Variants in CTNNA3 observed in about 807,000 individuals in gnomAD.
The protein encoded by CTNNA3 is catenin alpha-3.
Under a neutral mutation model 95.7 loss-of-function variants are expected in CTNNA3, and 76 were observed. The observed-to-expected ratio is 0.79, with a 90% confidence interval of 0.66 to 0.96. The LOEUF is 0.96. Ranked by LOEUF, CTNNA3 falls within the 40% of genes least tolerant of loss-of-function variation. The pLI is 0.00. For missense variants in CTNNA3, 1,191 were observed against 1,089.8 expected (o/e 1.09, Z -1.31); for synonymous variants, 431 against 374.4 (o/e 1.15, Z -1.74).
intron 7 of CTNNA3, among the ~76,000 whole-genome samples, chr10:67,053,619 A>T (rs1420534302): frequency 6.6e-6 from 1 of 152,178 alleles, no homozygotes; most frequent in African/African-American, 2.4e-5. Context: ...CTCTTTGAGG[A>T]TCCTTTTCTA....
rs140168256 is a variant in CTNNA3, at chr10:66,032,804, G to A, written c.2159+36504C>T. Among the ~76,000 whole-genome samples, 6 of 152,088 alleles carry A rather than the reference G, an allele frequency of 3.9e-5. No homozygotes were observed. In the East Asian group the frequency reaches 7.7e-4, roughly 20 times the overall value. On this transcript the variant is annotated intron_variant, in intron 15 of 17. Coordinates refer to ENST00000433211, the MANE Select transcript of CTNNA3 (RefSeq NM_013266.4). ...TTAATAATACATTAATTTATATACC[G>A]TTTTATAGTTGATAAGGCATATTCA...
chr10:66,553,718 A>G (rs1348001432), intron 10 of CTNNA3, among the ~76,000 whole-genome samples: 1 of 151,174 alleles, frequency 6.6e-6, no homozygotes, highest in Non-Finnish European at 1.5e-5. Flanking sequence ...TAGTAGAGAC[A>G]GGGTTTCACC....
At chr10:67,467,035 G>A (rs1322324997) in intron 5 of CTNNA3, among the ~76,000 whole-genome samples, 3 of 152,112 alleles carry the variant, frequency 2.0e-5, no homozygotes, top group Admixed American at 6.6e-5. Context: ...TGGCTAGGGA[G>A]GCTGAGGTGG....
At chr10:66,160,867 T>C (rs1181137713) in intron 13 of CTNNA3, among the ~76,000 whole-genome samples, 2 of 152,170 alleles carry the variant, frequency 1.3e-5, no homozygotes, top group African/African-American at 2.4e-5. Context: ...GCTCCAATGT[T>C]AGGTGCATAT....
At chr10:66,684,552 G>T (rs1281919721) in intron 9 of CTNNA3, among the ~76,000 whole-genome samples, 1 of 152,044 alleles carries the variant, frequency 6.6e-6, no homozygotes, top group African/African-American at 2.4e-5. Flanking sequence ...TTTTTCAGCA[G>T]TCTTTTTCTT....
chr10:65,971,127 C>T (rs1390338113), intron 16 of CTNNA3, among the ~76,000 whole-genome samples: 1 of 151,442 alleles, frequency 6.6e-6, no homozygotes, highest in African/African-American at 2.4e-5. Flanking sequence ...AAATAATAGA[C>T]ACAACATATA....
chr10:67,718,786 A>G (rs1336577599), intron 1 of CTNNA3, among the ~76,000 whole-genome samples: 1 of 152,136 alleles, frequency 6.6e-6, no homozygotes, highest in Non-Finnish European at 1.5e-5. Flanking sequence ...TATCTCTGCC[A>G]GGTTTAGGTA....
intron 10 of CTNNA3, among the ~76,000 whole-genome samples, chr10:66,543,919 A>G (rs1445573736): frequency 4.0e-4 from 8 of 19,788 alleles, no homozygotes; most frequent in African/African-American, 1.0e-3. Flanking sequence ...GTGTATATAT[A>G]TATATATATA....
intron 1 of CTNNA3, among the ~76,000 whole-genome samples, chr10:67,677,338 A>G (rs774405763): frequency 1.3e-5 from 2 of 152,166 alleles, no homozygotes; most frequent in Non-Finnish European, 2.9e-5. Context: ...GCCCTATGCA[A>G]TATTTGGGAC....
At chr10:67,320,309 A>G (rs1841256098) in intron 5 of CTNNA3, among the ~76,000 whole-genome samples, 1 of 152,186 alleles carries the variant, frequency 6.6e-6, no homozygotes, top group African/African-American at 2.4e-5. Flanking sequence ...GAACAGAGCC[A>G]ATCTTTGAGT....
At chr10:67,094,249 A>G (rs975081684) in intron 7 of CTNNA3, among the ~76,000 whole-genome samples, 1 of 151,916 alleles carries the variant, frequency 6.6e-6, no homozygotes, top group East Asian at 1.9e-4. Flanking sequence ...TTTTTATTAC[A>G]TTTAAGAATC....
chr10:67,305,794 G>A (rs902096117), intron 5 of CTNNA3, among the ~76,000 whole-genome samples: 1 of 152,174 alleles, frequency 6.6e-6, no homozygotes, highest in South Asian at 2.1e-4. Context: ...ATCTGGTTGA[G>A]TAGCTAGAAG....
At chr10:67,385,168 G>A (rs1365326082) in intron 5 of CTNNA3, among the ~76,000 whole-genome samples, 1 of 152,124 alleles carries the variant, frequency 6.6e-6, no homozygotes, top group African/African-American at 2.4e-5. Context: ...CAATGTGAAT[G>A]CTACCAAAAA....
intron 12 of CTNNA3, among the ~76,000 whole-genome samples, chr10:66,366,451 T>C (rs2092711891): frequency 6.6e-6 from 1 of 152,168 alleles, no homozygotes; most frequent in South Asian, 2.1e-4. Context: ...GCCAATGCAA[T>C]AGTAGTAAGT....
intron 7 of CTNNA3, among the ~76,000 whole-genome samples, chr10:66,778,938 T>G (rs10997379): frequency 0.19 from 28,673 of 152,050 alleles, 3,104 homozygotes; most frequent in African/African-American, 0.3. Flanking sequence ...ATCGCGCCAC[T>G]GCACTCCAGC....
intron 6 of CTNNA3, among the ~76,000 whole-genome samples, chr10:67,214,988 T>C (rs1864291346): frequency 6.6e-6 from 1 of 152,100 alleles, no homozygotes; most frequent in East Asian, 1.9e-4. Flanking sequence ...CCATCAGTTC[T>C]AGGAAATTCT....
At chr10:65,925,455 G>T (rs958106860) in intron 17 of CTNNA3, among the ~76,000 whole-genome samples, 5 of 151,012 alleles carry the variant, frequency 3.3e-5, no homozygotes, top group Admixed American at 3.3e-4. Flanking sequence ...TCTTTTTTTT[G>T]AGAAGGGGTC....
chr10:66,059,180 C>A (rs1015722543), intron 15 of CTNNA3, among the ~76,000 whole-genome samples: 3 of 152,018 alleles, frequency 2.0e-5, no homozygotes, highest in East Asian at 3.8e-4. Flanking sequence ...AAGGAATTAG[C>A]CCCATTTTGG....
chr10:66,230,478 G>C (rs2132008047), intron 13 of CTNNA3, among the ~76,000 whole-genome samples: 1 of 152,258 alleles, frequency 6.6e-6, no homozygotes, highest in South Asian at 2.1e-4. Context: ...ATCAGTGTCT[G>C]AGAGTGCATC....
Sources: gnomAD v4.1 joint callset for allele counts (sites outside exome capture counted in the v4.1 genomes callset) on GRCh38, gnomAD v4.1.1 for gene constraint, MANE v1.5 for transcripts, NCBI Gene and HGNC (gene_info 2026-07-23, HGNC 2026-07-21) for gene names.